Variants in NUCB2 observed in about 807,000 individuals in gnomAD.
The protein encoded by NUCB2 is nucleobindin-2.
A neutral mutation model predicts 57.9 loss-of-function variants in NUCB2; 48 were observed. The observed-to-expected ratio is 0.83, with a 90% CI of 0.66 to 1.05. The LOEUF is 1.05. Ranked by LOEUF, NUCB2 falls within the 50% of genes least tolerant of loss-of-function variation. The pLI is 0.00. For synonymous variants in NUCB2, 139 were observed against 152.1 expected, an observed-to-expected ratio of 0.91 and a Z score of 0.64; for missense variants, 442 against 476.2, an observed-to-expected ratio of 0.93 and a Z score of 0.67.
downstream of NUCB2, among the ~76,000 whole-genome samples, chr11:17,336,753 C>CAAAAA (rs71047542): frequency 7.2e-4 from 34 of 47,430 alleles, no homozygotes; most frequent in African/African-American, 2.1e-3. Flanking sequence ...GACTCCGTCT[C>CAAAAA]AAAAAAAAAA....
At chr11:17,311,718 T>G (rs1948512754) in intron 8 of NUCB2, 154 bp from the exon 9 acceptor site, 1 of 532,636 alleles carries the variant, frequency 1.9e-6, no homozygotes, top group Admixed American at 3.5e-5. Flanking sequence ...GTTCAGCTGA[T>G]CTAAAGCTTC....
At chr11:17,302,018 A>G (rs1159735316) in intron 5 of NUCB2, 148 bp downstream of exon 5, 2 of 603,702 alleles carry the variant, frequency 3.3e-6, no homozygotes, top group East Asian at 3.0e-5. Context: ...TCCCATCTCA[A>G]CCTCCTGAGT....
At chr11:17,341,440 T>G (rs1346964442) in intron 2 of NUCB2, among the ~76,000 whole-genome samples, 1 of 151,902 alleles carries the variant, frequency 6.6e-6, no homozygotes, top group African/African-American at 2.4e-5. Context: ...CAGTATGATA[T>G]TGGCTGTGGG....
At chr11:17,305,778 T>A (rs535944982) in intron 5 of NUCB2, among the ~76,000 whole-genome samples, 158 of 152,100 alleles carry the variant, frequency 1.0e-3, no homozygotes, top group African/African-American at 3.6e-3. Flanking sequence ...TGTGCCACCA[T>A]GCCTGGCTAA....
chr11:17,277,745 G>A (rs2137733358), intron 1 of NUCB2, among the ~76,000 whole-genome samples: 1 of 152,262 alleles, frequency 6.6e-6, no homozygotes, highest in South Asian at 2.1e-4. Flanking sequence ...GAGGTTAAAT[G>A]CAAATATTTC....
At position 17,301,859 on chromosome 11, in the gene NUCB2, A is replaced by T; in HGVS notation, c.368A>T (p.Asp123Val). Residue 123 changes from aspartate to valine, a missense_variant, in exon 5 of 14, where the codon GAT (aspartate) becomes GTT (valine). Coordinates refer to ENST00000529010, the MANE Select transcript of NUCB2 (RefSeq NM_005013.4). Reference protein sequence around the residue: ...RLRMLIKAKLDSLQDIGMDHQ... With the variant: ...RLRMLIKAKLVSLQDIGMDHQ... ...AGAATGTTAATTAAAGCTAAGTTGG[A>T]TTCCCTTCAAGGTAAGTGCTAAACA... The T allele has an allele frequency of 6.2e-7, 1 of 1,613,086 alleles. No homozygotes were observed.
At chr11:17,323,509 A>G (rs1375012469) in intron 11 of NUCB2, among the ~76,000 whole-genome samples, 1 of 152,222 alleles carries the variant, frequency 6.6e-6, no homozygotes, top group Non-Finnish European at 1.5e-5. Flanking sequence ...AATATCCACC[A>G]GAGCTATTGG....
intron 2 of NUCB2, among the ~76,000 whole-genome samples, chr11:17,288,552 C>CTTTTT (rs1362783048): frequency 6.9e-5 from 7 of 101,176 alleles, no homozygotes; most frequent in South Asian, 7.2e-4. Flanking sequence ...TCTTCTTCTT[C>CTTTTT]TTTTTTTTTT....
chr11:17,344,506 A>C (rs1168440247), intron 2 of NUCB2, among the ~76,000 whole-genome samples: 2 of 152,040 alleles, frequency 1.3e-5, no homozygotes, highest in African/African-American at 4.8e-5. Flanking sequence ...TTTCTAATGC[A>C]CCTTCTTAAT....
At chr11:17,302,022 C>T (rs1008992242) in intron 5 of NUCB2, 152 bp downstream of exon 5, 13 of 602,728 alleles carry the variant, frequency 2.2e-5, no homozygotes, top group Admixed American at 3.2e-5. Flanking sequence ...ATCTCAACCT[C>T]CTGAGTAGCT....
At chr11:17,322,556 G>T (rs892712657) in intron 11 of NUCB2, among the ~76,000 whole-genome samples, 4 of 151,776 alleles carry the variant, frequency 2.6e-5, no homozygotes, top group African/African-American at 9.7e-5. Context: ...TTTTTGCTTT[G>T]GTTATTCTAG....
chr11:17,317,668 A>G (rs1260004297), intron 11 of NUCB2: 2 of 273,830 alleles, frequency 7.3e-6, no homozygotes, highest in South Asian at 3.4e-5. Flanking sequence ...TGCTCAGTGT[A>G]TCCTATTAGA....
intron 11 of NUCB2, among the ~76,000 whole-genome samples, chr11:17,318,488 A>C (rs1200206763): frequency 3.3e-5 from 5 of 152,146 alleles, no homozygotes; most frequent in African/African-American, 9.7e-5. Context: ...TGCTGCTACA[A>C]ATACATTTTT....
At chr11:17,323,486 G>A (rs569296292) in intron 11 of NUCB2, among the ~76,000 whole-genome samples, 1 of 152,168 alleles carries the variant, frequency 6.6e-6, no homozygotes, top group African/African-American at 2.4e-5. Context: ...ATTTTGTTGA[G>A]TATTTTTGCA....
At chr11:17,284,143 C>T (rs1565363342) in intron 2 of NUCB2, among the ~76,000 whole-genome samples, 1 of 151,988 alleles carries the variant, frequency 6.6e-6, no homozygotes, top group Non-Finnish European at 1.5e-5. Context: ...TCAGCCTCCT[C>T]AGTAGCTGGG....
intron 11 of NUCB2, among the ~76,000 whole-genome samples, chr11:17,317,381 TTAATC>T (rs1307885377): frequency 2.6e-5 from 4 of 152,296 alleles, no homozygotes; most frequent in East Asian, 3.9e-4. Flanking sequence ...TCATGCCACT[TTAATC>T]TAAAATACTT....
At chr11:17,305,077 A>G (rs886578683) in intron 5 of NUCB2, among the ~76,000 whole-genome samples, 2 of 152,244 alleles carry the variant, frequency 1.3e-5, no homozygotes, top group Admixed American at 6.5e-5. Context: ...TAATCCCAGC[A>G]CTTGGGGAAG....
rs1229920456 is a variant in NUCB2 at position 17,330,383 on chromosome 11, A to G, written c.1173+86A>G. The G allele has an allele frequency of 1.1e-6, 1 of 890,816 alleles. No individual in the cohort carries two copies. The highest frequency in any genetic ancestry group is 1.7e-6 in the Non-Finnish European group (1 of 585,160). The allele number at this position is 890,816 out of a possible 1,614,324, so 55.2% of individuals were successfully genotyped here. A position where few individuals can be genotyped will look rare whatever the true frequency, so the allele number is the denominator to read the frequency against. On this transcript the variant is annotated intron_variant, in intron 12 of 13. Coordinates refer to ENST00000529010, the MANE Select transcript of NUCB2 (RefSeq NM_005013.4). The surrounding 1 kb of genome is among the most constrained non-coding windows in gnomAD (Gnocchi z 4.3). ...GTGTTTTTGTAACATATTTCATTGT[A>G]CTATATAGTACACTGCTATAGCTAT...
intron 2 of NUCB2, among the ~76,000 whole-genome samples, chr11:17,341,081 A>G (rs1952225551): frequency 6.6e-6 from 1 of 152,204 alleles, no homozygotes; most frequent in Non-Finnish European, 1.5e-5. Flanking sequence ...CTTTGAAGCA[A>G]TTGTGAATGG....
Sources: allele counts gnomAD v4.1 joint callset (sites outside exome capture counted in the v4.1 genomes callset), GRCh38; gene constraint gnomAD v4.1.1; non-coding constraint Gnocchi (gnomAD v3.1); transcripts MANE v1.5; gene names NCBI Gene and HGNC (gene_info 2026-07-23, HGNC 2026-07-21).